The following LRRC8B variants were observed in gnomAD, a reference collection of about 807,000 sequenced individuals.
The protein encoded by LRRC8B is volume-regulated anion channel subunit LRRC8B.
In LRRC8B, 23 loss-of-function variants were observed where a neutral mutation model predicts 58.8. That is an observed-to-expected ratio of 0.39 (90% CI 0.28 to 0.55). LRRC8B has a LOEUF of 0.55. Among genes scored for constraint, LRRC8B ranks in the 20% least tolerant of loss-of-function variants. The probability of loss-of-function intolerance (pLI) is 0.62; values close to 1 mark genes in which losing one functional copy is unlikely to be tolerated. For synonymous variants in LRRC8B, 359 were observed against 374.1 expected, an observed-to-expected ratio of 0.96 and a Z score of 0.47; for missense variants, 694 against 936.0, an observed-to-expected ratio of 0.74 and a Z score of 3.37.
intron 5 of LRRC8B, among the ~76,000 whole-genome samples, chr1:89,585,104 T>G (rs1176126152): frequency 1.3e-5 from 2 of 152,250 alleles, no homozygotes; most frequent in Non-Finnish European, 2.9e-5. Context: ...TTTAATTCAT[T>G]ATGGTAGAGC....
chr1:89,552,344 T>C lies in LRRC8B; in HGVS notation c.-240-15903T>C, dbSNP rs535455120. Among the ~76,000 whole-genome samples, 79 of 152,266 alleles carry C rather than the reference T, an allele frequency of 5.2e-4. 1 individual carries two copies. Among genetic ancestry groups the C allele is most frequent in the South Asian group, 2.1e-3 (10 of 4,818 alleles). On this transcript the variant is annotated intron_variant, in intron 1 of 5. Transcript: ENST00000330947. ...CCCAATCTCCTTGGAATAAGAGATA[T>C]GGTAATGGAGCCCAGAAATTCATGA...
intron 3 of LRRC8B, among the ~76,000 whole-genome samples, chr1:89,568,929 A>G (rs1653231947): frequency 6.6e-6 from 1 of 152,204 alleles, no homozygotes; most frequent in African/African-American, 2.4e-5. Context: ...AGATGGCCAT[A>G]CTTTCTTTGA....
intron 5 of LRRC8B, among the ~76,000 whole-genome samples, chr1:89,591,513 T>C (rs2101106253): frequency 6.6e-6 from 1 of 152,346 alleles, no homozygotes; most frequent in South Asian, 2.1e-4. Context: ...TGATGATCTA[T>C]ATGGAATGTT....
rs143007070 is a variant in LRRC8B, at chr1:89,593,069, A to G, written c.*26A>G. 358 of 1,602,942 alleles carry G rather than the reference A, an allele frequency of 2.2e-4. 2 individuals carry two copies. In the African/African-American group the frequency reaches 3.9e-3, roughly 17 times the overall value. On this transcript the variant is annotated 3_prime_UTR_variant, in exon 6 of 6. Coordinates refer to ENST00000330947, the MANE Select transcript of LRRC8B (RefSeq NM_001369817.2). The stretch of plus-strand genomic sequence containing the variant: ...CTTAAAGAAAAGAGACCCGTGTTTC[A>G]AAATCATTTTTAAAAGTATGCTCGG...
chr1:89,567,117 C>T (rs560991581), intron 1 of LRRC8B, among the ~76,000 whole-genome samples: 16 of 152,250 alleles, frequency 1.1e-4, no homozygotes, highest in East Asian at 1.9e-4. Flanking sequence ...GCAGCTGGGT[C>T]GGTCAGAATT....
chr1:89,532,820 G>A (rs1378246123), intron 1 of LRRC8B, among the ~76,000 whole-genome samples: 2 of 152,204 alleles, frequency 1.3e-5, no homozygotes, highest in Non-Finnish European at 2.9e-5. Flanking sequence ...AGGGCCTGGA[G>A]TTAGTGGATT....
At position 89,592,963 on chromosome 1, in the gene LRRC8B, C is replaced by CT; in HGVS notation, c.2333dup (p.Ile779AspfsTer3). 1 of 1,614,132 alleles carries CT rather than the reference C, an allele frequency of 6.2e-7. No homozygotes were observed. The highest frequency in any genetic ancestry group is 8.5e-7 in the Non-Finnish European group (1 of 1,180,004). On this transcript the variant is annotated frameshift_variant, in exon 6 of 6. Coordinates refer to ENST00000330947, the MANE Select transcript of LRRC8B (RefSeq NM_001369817.2). LOFTEE classifies it high-confidence loss of function. ...ATGTCAGTCCCTAAAACGGAACTGTCTGATTGTTGAGGAGAACTTGCTCAA... is the reference window on the plus strand; with the variant it reads ...ATGTCAGTCCCTAAAACGGAACTGTCTTGATTGTTGAGGAGAACTTGCTCAA...
Position 89,596,057 on chromosome 1 carries a change from G to T in LRRC8B, c.*3014G>T, listed in dbSNP as rs923775344. 2.0e-5 allele frequency: 3 copies of T among 149,776 alleles called. No individual in the cohort carries two copies. Among genetic ancestry groups the T allele is most frequent in the Admixed American group, 1.3e-4 (2 of 15,014 alleles). 9.3% of individuals were successfully genotyped at this position (149,776 alleles called of 1,614,324 possible). A position where few individuals can be genotyped will look rare whatever the true frequency, so the allele number is the denominator to read the frequency against. On this transcript the variant is annotated 3_prime_UTR_variant, in exon 6 of 6. Coordinates refer to ENST00000330947, the MANE Select transcript of LRRC8B (RefSeq NM_001369817.2). Reference sequence around the variant, plus strand: ...GCATTAGTTTTTGATATATCTAGTGGTTTTTTTTTCAAAATTGCAGGAGGT... The same window carrying T: ...GCATTAGTTTTTGATATATCTAGTGTTTTTTTTTTCAAAATTGCAGGAGGT...
At chr1:89,585,816 AAAAGAAAG>A in intron 5 of LRRC8B, among the ~76,000 whole-genome samples, 1 of 152,248 alleles carries the variant, frequency 6.6e-6, no homozygotes, top group South Asian at 2.1e-4. Flanking sequence ...TCTCAAAAAA[AAAAGAAAG>A]AAAGAAAGAA....
intron 1 of LRRC8B, among the ~76,000 whole-genome samples, chr1:89,530,920 T>TA (rs759039071): frequency 4.6e-5 from 7 of 152,148 alleles, no homozygotes; most frequent in Non-Finnish European, 1.0e-4. Flanking sequence ...AATGCCTCTC[T>TA]AATCCCTGTA....
At chr1:89,551,997 T>G (rs565821839) in intron 1 of LRRC8B, among the ~76,000 whole-genome samples, 1 of 152,108 alleles carries the variant, frequency 6.6e-6, no homozygotes, top group South Asian at 2.1e-4. Context: ...TTATTCATAG[T>G]TTTTTTTCCT....
chr1:89,530,731 A>G (rs891320631), intron 1 of LRRC8B, among the ~76,000 whole-genome samples: 2 of 152,178 alleles, frequency 1.3e-5, no homozygotes, highest in Non-Finnish European at 2.9e-5. Context: ...TGACTGGACT[A>G]TGCATGGGAT....
chr1:89,569,614 C>T (rs558594664), intron 3 of LRRC8B, among the ~76,000 whole-genome samples: 17 of 152,308 alleles, frequency 1.1e-4, no homozygotes, highest in African/African-American at 3.8e-4. Context: ...CCTCCAGCTT[C>T]ATCCAGGTTG....
At chr1:89,587,337 C>T (rs1654692450) in intron 5 of LRRC8B, among the ~76,000 whole-genome samples, 1 of 152,020 alleles carries the variant, frequency 6.6e-6, no homozygotes, top group African/African-American at 2.4e-5. Context: ...AGTTTGAGAC[C>T]AGCCTGGCCA....
rs112345888 is a variant in LRRC8B, at chr1:89,565,010, G to A, written c.-240-3237G>A. On this transcript the variant is annotated intron_variant, in intron 1 of 5. Transcript: ENST00000330947. Reference sequence around the variant, plus strand: ...TTATTTACGGTGATCATTATCAGACGTTATTGGTTTTATGAGACTAAAGCT... The same window carrying A: ...TTATTTACGGTGATCATTATCAGACATTATTGGTTTTATGAGACTAAAGCT... Among the ~76,000 whole-genome samples, 847 of 152,254 alleles carry A rather than the reference G, an allele frequency of 5.6e-3. 12 individuals are homozygous for A. Among genetic ancestry groups the A allele is most frequent in the African/African-American group, 0.019 (802 of 41,530 alleles).
intron 5 of LRRC8B, among the ~76,000 whole-genome samples, chr1:89,589,207 T>G (rs1654821224): frequency 6.6e-6 from 1 of 152,230 alleles, no homozygotes; most frequent in African/African-American, 2.4e-5. Flanking sequence ...TCCACTGCCC[T>G]TATTTTACTG....
At chr1:89,525,600 C>T (rs764366730) in intron 1 of LRRC8B, among the ~76,000 whole-genome samples, 3 of 152,184 alleles carry the variant, frequency 2.0e-5, no homozygotes, top group Non-Finnish European at 1.5e-5. Flanking sequence ...AAAGGGCAAG[C>T]GTTACCAATT....
chr1:89,564,242 C>G (rs1461864763), intron 1 of LRRC8B, among the ~76,000 whole-genome samples: 1 of 152,150 alleles, frequency 6.6e-6, no homozygotes, highest in East Asian at 1.9e-4. Context: ...ATTTAATAGG[C>G]AGCCAGGGTG....
chr1:89,527,165 T>A (rs550800727), intron 1 of LRRC8B, among the ~76,000 whole-genome samples: 1 of 152,394 alleles, frequency 6.6e-6, no homozygotes, highest in South Asian at 2.1e-4. Context: ...GCCAATGTTT[T>A]TCTTATAAAC....
Sources: gnomAD v4.1 joint callset for allele counts (sites outside exome capture counted in the v4.1 genomes callset) on GRCh38, gnomAD v4.1.1 for gene constraint, MANE v1.5 for transcripts, NCBI Gene and HGNC (gene_info 2026-07-23, HGNC 2026-07-21) for gene names.